ARMC9: variants seen among roughly 807,000 people sequenced by gnomAD.
The protein encoded by ARMC9 is armadillo repeat containing 9.
A neutral mutation model predicts 107.0 loss-of-function variants in ARMC9; 94 were observed. The ratio of observed to expected loss-of-function variants is 0.88; its 90% CI spans 0.74 to 1.04. The LOEUF is 1.04. Ranked by LOEUF, ARMC9 falls within the 50% of genes least tolerant of loss-of-function variation. ARMC9 has a pLI of 0.00. For synonymous variants in ARMC9, 380 were observed against 396.9 expected (o/e 0.96, Z 0.51); for missense variants, 942 against 1,030.1 (o/e 0.91, Z 1.17).
chr2:231,229,378 G>A (rs751036418), intron 7 of ARMC9, among the ~76,000 whole-genome samples: 2 of 152,150 alleles, frequency 1.3e-5, no homozygotes, highest in South Asian at 2.1e-4. Context: ...AAGTTTTCAC[G>A]GTTAAGTGAG....
intron 23 of ARMC9, among the ~76,000 whole-genome samples, chr2:231,369,245 C>A (rs2045926038): frequency 6.6e-6 from 1 of 152,150 alleles, no homozygotes; most frequent in South Asian, 2.1e-4. Context: ...CATTTCCCCA[C>A]CTTATGCCCA....
At chr2:231,307,532 G>T (rs1401142773) in intron 19 of ARMC9, among the ~76,000 whole-genome samples, 1 of 152,194 alleles carries the variant, frequency 6.6e-6, no homozygotes, top group Admixed American at 6.5e-5. Flanking sequence ...TCCAATCAAA[G>T]CATCAGCGTA....
intron 13 of ARMC9, 53 bp downstream of exon 13, chr2:231,271,125 T>G: frequency 1.3e-6 from 2 of 1,558,792 alleles, no homozygotes; most frequent in Admixed American, 1.7e-5. Flanking sequence ...TTGATGTGCT[T>G]TTTCCTTTGA....
chr2:231,300,548 T>A (rs922852930), intron 19 of ARMC9, among the ~76,000 whole-genome samples: 1 of 152,188 alleles, frequency 6.6e-6, no homozygotes, highest in Non-Finnish European at 1.5e-5. Flanking sequence ...TTCAGTCATC[T>A]CCTCTTCTTA....
chr2:231,309,775 G>A (rs2042235286), intron 19 of ARMC9, among the ~76,000 whole-genome samples: 1 of 151,776 alleles, frequency 6.6e-6, no homozygotes, highest in Admixed American at 6.6e-5. Flanking sequence ...GAGTTTAAGT[G>A]ATCAAAACTG....
At chr2:231,309,948 A>G (rs1196008216) in intron 19 of ARMC9, among the ~76,000 whole-genome samples, 1 of 152,314 alleles carries the variant, frequency 6.6e-6, no homozygotes, top group Non-Finnish European at 1.5e-5. Flanking sequence ...TGTGCCATCC[A>G]TGTTATGTAA....
At chr2:231,200,452 C>T (rs2030684542) in intron 1 of ARMC9, among the ~76,000 whole-genome samples, 1 of 152,108 alleles carries the variant, frequency 6.6e-6, no homozygotes, top group East Asian at 1.9e-4. Context: ...GTGGGTGAAT[C>T]GCTTGAGGTC....
intron 19 of ARMC9, among the ~76,000 whole-genome samples, chr2:231,306,701 A>C (rs2042054031): frequency 1.3e-5 from 2 of 152,140 alleles, no homozygotes; most frequent in Admixed American, 1.3e-4. Flanking sequence ...TTGTCCAAGC[A>C]GTCAAGAGTA....
At chr2:231,229,555 T>G (rs1265170301) in intron 7 of ARMC9, among the ~76,000 whole-genome samples, 3 of 152,256 alleles carry the variant, frequency 2.0e-5, no homozygotes, top group Admixed American at 2.0e-4. Flanking sequence ...AAATAGTATC[T>G]TTTGGCATTT....
At chr2:231,361,464 A>C (rs2045577622) in intron 23 of ARMC9, among the ~76,000 whole-genome samples, 1 of 151,628 alleles carries the variant, frequency 6.6e-6, no homozygotes, top group Non-Finnish European at 1.5e-5. Flanking sequence ...AAAAACTAAA[A>C]AAAAAAAAAG....
At chr2:231,281,981 C>T in intron 16 of ARMC9, 78 bp from the exon 17 acceptor site, 1 of 1,379,146 alleles carries the variant, frequency 7.3e-7, no homozygotes, top group Non-Finnish European at 1.0e-6. Context: ...CCAGATTGTT[C>T]TGAGGTGTGG....
In ARMC9 at chr2:231,360,612, C is replaced by A; in HGVS notation, c.2132-142C>A. 1 of 1,343,784 alleles carries A rather than the reference C, an allele frequency of 7.4e-7. No homozygotes were observed. Among genetic ancestry groups the A allele is most frequent in the Non-Finnish European group, 1.0e-6 (1 of 980,446 alleles). The allele number at this position is 1,343,784 out of a possible 1,614,324, so 83.2% of individuals were successfully genotyped here. ...CCGGGCTGCACGAGTAAACAAGTAT[C>A]CCAAGCCACAGGCGCCAGGGAGCCC... On this transcript the variant is annotated intron_variant, in intron 22 of 24. Transcript: ENST00000611582. The surrounding 1 kb of genome is among the most constrained non-coding windows in gnomAD (Gnocchi z 4.7).
intron 9 of ARMC9, among the ~76,000 whole-genome samples, chr2:231,243,652 C>T (rs527547717): frequency 2.6e-4 from 40 of 152,272 alleles, no homozygotes; most frequent in Non-Finnish European, 5.1e-4. Context: ...GAATCATTGG[C>T]TTAGGAACAC....
intron 19 of ARMC9, among the ~76,000 whole-genome samples, chr2:231,304,015 G>A (rs1472174027): frequency 3.3e-5 from 5 of 151,734 alleles, no homozygotes; most frequent in South Asian, 2.1e-4. Flanking sequence ...ATGGATCACT[G>A]GGTCAAGAGA....
Position 231,360,570 on chromosome 2 carries a change from C to T in ARMC9, c.2132-184C>T, listed in dbSNP as rs765915012. 3.9e-5 allele frequency among the ~76,000 whole-genome samples: 6 copies of T among 152,180 alleles called. No individual in the cohort carries two copies. Among genetic ancestry groups the T allele is most frequent in the African/African-American group, 7.2e-5 (3 of 41,456 alleles). ...CACCAGCAGTGTGCCTGCCATCCCC[C>T]GCTACCTGGCAAGTTCCCGGGCTGC... On this transcript the variant is annotated intron_variant, in intron 22 of 24. Transcript: ENST00000611582. This position sits in a 1 kb window ranked among gnomAD's most constrained non-coding sequence, Gnocchi z 4.7.
chr2:231,253,091 TTTTTA>T (rs1255072883), intron 9 of ARMC9, among the ~76,000 whole-genome samples: 2 of 149,024 alleles, frequency 1.3e-5, no homozygotes, highest in African/African-American at 5.1e-5. Flanking sequence ...TTAATTTTAG[TTTTTA>T]TTTTCATTGT....
intron 14 of ARMC9, among the ~76,000 whole-genome samples, chr2:231,274,791 G>C (rs1250908316): frequency 2.0e-5 from 3 of 152,146 alleles, no homozygotes; most frequent in Non-Finnish European, 4.4e-5. Context: ...TGTTTTTAGT[G>C]GGGGAAGGGA....
intron 19 of ARMC9, among the ~76,000 whole-genome samples, chr2:231,324,338 G>A (rs1200063708): frequency 1.3e-5 from 2 of 150,864 alleles, no homozygotes; most frequent in Admixed American, 6.6e-5. Flanking sequence ...ATATTGGCCA[G>A]GCTGGTCTTG....
Position 231,209,155 on chromosome 2 carries a change from G to A in ARMC9, c.177+903G>A, listed in dbSNP as rs143486594. Among the ~76,000 whole-genome samples the A allele has an allele frequency of 9.3e-3, 1,410 of 152,220 alleles. 13 individuals are homozygous for A. The highest frequency in any genetic ancestry group is 0.016 in the Non-Finnish European group (1,071 of 68,004). On this transcript the variant is annotated intron_variant, in intron 3 of 24. Coordinates refer to ENST00000611582, the MANE Select transcript of ARMC9 (RefSeq NM_001352754.2). ...GACCTCAAGTGATCCGCCCGCCTTGGCCTCCCAAAAGTGCTGAGGTTACAG... is the reference window on the plus strand; with the variant it reads ...GACCTCAAGTGATCCGCCCGCCTTGACCTCCCAAAAGTGCTGAGGTTACAG...
Sources: allele counts gnomAD v4.1 joint callset (sites outside exome capture counted in the v4.1 genomes callset), GRCh38; gene constraint gnomAD v4.1.1; non-coding constraint Gnocchi (gnomAD v3.1); transcripts MANE v1.5; gene names NCBI Gene and HGNC (gene_info 2026-07-23, HGNC 2026-07-21).